The following P4HA1 variants were observed in gnomAD, a reference collection of about 807,000 sequenced individuals.
The protein encoded by P4HA1 is prolyl 4-hydroxylase subunit alpha-1.
P4HA1 carries 24 observed loss-of-function variants against 72.8 expected under a neutral mutation model. The observed-to-expected ratio is 0.33, with a 90% CI of 0.24 to 0.46. P4HA1 has a LOEUF of 0.46. Ranked by LOEUF, P4HA1 falls within the 20% of genes least tolerant of loss-of-function variation. The probability of loss-of-function intolerance (pLI) is 1.00; values close to 1 mark genes in which losing one functional copy is unlikely to be tolerated. For synonymous variants in P4HA1, 201 were observed against 218.8 expected (o/e 0.92, Z 0.72); for missense variants, 446 against 640.6 (o/e 0.70, Z 3.28).
intron 1 of P4HA1, among the ~76,000 whole-genome samples, chr10:73,093,094 T>C (rs985298573): frequency 6.7e-6 from 1 of 149,258 alleles, no homozygotes; most frequent in Non-Finnish European, 1.5e-5. Context: ...CACTCCATCC[T>C]GGGCAACAGA....
At chr10:73,096,551 G>A (rs979113093) in intron 1 of P4HA1, among the ~76,000 whole-genome samples, 1 of 152,234 alleles carries the variant, frequency 6.6e-6, no homozygotes, top group African/African-American at 2.4e-5. Flanking sequence ...GAGGTGGGAA[G>A]GGGGGCACGA....
At chr10:73,071,183 C>A (rs1453119518) in intron 4 of P4HA1, 2 of 144,722 alleles carry the variant, frequency 1.4e-5, no homozygotes, top group Non-Finnish European at 3.0e-5. Context: ...GACAGTGAGA[C>A]CCTGTCTCCA....
intron 10 of P4HA1, among the ~76,000 whole-genome samples, chr10:73,026,898 A>AT (rs1192908327): frequency 6.6e-6 from 1 of 152,250 alleles, no homozygotes; most frequent in Non-Finnish European, 1.5e-5. Context: ...CCACAATGAG[A>AT]TACCATCTCA....
At chr10:73,044,031 G>T in intron 9 of P4HA1, 2 of 1,096,556 alleles carry the variant, frequency 1.8e-6, no homozygotes, top group Non-Finnish European at 2.8e-6. Context: ...GTTTTGTTTT[G>T]CCAAGCCACA....
In P4HA1 at chr10:73,082,485, TTC is replaced by T. The variant is rs778387981; in HGVS notation, c.-32-7572_-32-7571del. Reference sequence around the variant, plus strand: ...AAGGCAGACTAAAGAGTGCTTGATATTCTCTTTTTTTAAGCTAGTCAAGTAAA... The same window carrying T: ...AAGGCAGACTAAAGAGTGCTTGATATTCTTTTTTTAAGCTAGTCAAGTAAA... On this transcript the variant is annotated intron_variant, in intron 1 of 14. Coordinates refer to ENST00000394890, the MANE Select transcript of P4HA1 (RefSeq NM_001017962.3). The T allele has an allele frequency of 9.8e-5, 15 of 152,302 alleles. No homozygotes were observed. In the South Asian group the frequency reaches 2.9e-3, roughly 29 times the overall value. The allele number at this position is 152,302 out of a possible 1,614,324, so 9.4% of individuals were successfully genotyped here.
Sources: gnomAD v4.1 joint callset for allele counts (sites outside exome capture counted in the v4.1 genomes callset) on GRCh38, gnomAD v4.1.1 for gene constraint, MANE v1.5 for transcripts, NCBI Gene and HGNC (gene_info 2026-07-23, HGNC 2026-07-21) for gene names.